The following CCNT2 variants were observed in gnomAD, a reference collection of about 807,000 sequenced individuals.
CCNT2 encodes the protein cyclin T2, also known as cyclin-T2.
Under a neutral mutation model 70.0 loss-of-function variants are expected in CCNT2, and 18 were observed. That is an observed-to-expected ratio of 0.26 (90% CI 0.18 to 0.38). The LOEUF (loss-of-function observed/expected upper bound fraction) is 0.38. Among genes scored for constraint, CCNT2 ranks in the 10% least tolerant of loss-of-function variants. CCNT2 has a pLI of 1.00. For missense variants in CCNT2, 734 were observed against 890.2 expected, an observed-to-expected ratio of 0.82 and a Z score of 2.23; for synonymous variants, 334 against 313.3, an observed-to-expected ratio of 1.07 and a Z score of -0.70.
intron 2 of CCNT2, among the ~76,000 whole-genome samples, chr2:134,934,035 A>G (rs1012417457): frequency 6.6e-6 from 1 of 152,196 alleles, no homozygotes; most frequent in African/African-American, 2.4e-5. Flanking sequence ...CCCCGTCTCC[A>G]TGATTTGTAT....
intron 2 of CCNT2, 118 bp downstream of exon 2, chr2:134,920,009 T>C (rs1679768347): frequency 3.2e-6 from 2 of 631,216 alleles, no homozygotes; most frequent in South Asian, 4.1e-5. Flanking sequence ...TAAACGTATA[T>C]CACGTGATAA....
At chr2:134,945,289 G>C in intron 5 of CCNT2, 1 of 985,416 alleles carries the variant, frequency 1.0e-6, no homozygotes, top group Non-Finnish European at 1.2e-6. Context: ...TAGGTGAGCA[G>C]AGGGGAAAGA....
At chr2:134,934,469 C>T (rs897730669) in intron 2 of CCNT2, among the ~76,000 whole-genome samples, 5 of 152,212 alleles carry the variant, frequency 3.3e-5, no homozygotes, top group African/African-American at 1.2e-4. Context: ...TTACCCAAAA[C>T]ATTTGGAATT....
Position 134,954,611 on chromosome 2 carries a change from T to C in CCNT2, c.2156T>C (p.Leu719Pro). 4 of 1,612,770 alleles carry C rather than the reference T, an allele frequency of 2.5e-6. No individual in the cohort carries two copies. Among genetic ancestry groups the C allele is most frequent in the Non-Finnish European group, 2.5e-6 (3 of 1,178,782 alleles). The change falls in exon 9 of 9, where the codon CTG becomes CCG. Residue 719 changes from leucine to proline, a missense_variant. Leu to Pro is a moderately conservative substitution (Grantham distance 98). This residue lies in a region of CCNT2 where 532 missense variants were observed against 556.9 expected (regional missense o/e 0.96). Coordinates refer to ENST00000264157, the MANE Select transcript of CCNT2 (RefSeq NM_058241.3). ...HMDYKDTFDMLDSLLSAQGMN... is the reference protein window; with the variant it reads ...HMDYKDTFDMPDSLLSAQGMN... ...GACTACAAAGACACATTCGACATGC[T>C]GGACTCACTGTTAAGTGCCCAAGGA...
At chr2:134,941,593 C>A (rs1219827422) in intron 4 of CCNT2, among the ~76,000 whole-genome samples, 1 of 151,760 alleles carries the variant, frequency 6.6e-6, no homozygotes, top group Admixed American at 6.6e-5. Flanking sequence ...TAAAAAGATA[C>A]CAAAAAAGTG....
chr2:134,930,664 A>G (rs892602945), intron 2 of CCNT2, among the ~76,000 whole-genome samples: 7 of 152,098 alleles, frequency 4.6e-5, no homozygotes, highest in African/African-American at 1.4e-4. Flanking sequence ...GAGGGTTGCA[A>G]TATCATCACT....
Position 134,919,802 on chromosome 2 carries a change from C to A in CCNT2, c.159-8C>A. On this transcript the variant is annotated splice_region_variant and splice_polypyrimidine_tract_variant and intron_variant, in intron 1 of 8. Transcript: ENST00000264157. ...TTTGTCAGATATTTCCTAAATATTA[C>A]GTTCCAGCTCTCAGCTTACAATAAA... 2 of 1,594,962 alleles carry A rather than the reference C, an allele frequency of 1.3e-6. 1 individual carries two copies.
At chr2:134,949,813 T>C (rs868561749) in intron 7 of CCNT2, among the ~76,000 whole-genome samples, 1 of 70,722 alleles carries the variant, frequency 1.4e-5, no homozygotes, top group Non-Finnish European at 2.7e-5. Flanking sequence ...GGGGGGGGGG[T>C]GGGGGACAGA....
rs549676885 is a variant in CCNT2, at chr2:134,958,549, T to G, written c.*3901T>G. 6.6e-6 allele frequency: 1 copy of G among 152,344 alleles called. No homozygotes were observed. Among genetic ancestry groups the G allele is most frequent in the African/African-American group, 2.4e-5 (1 of 41,576 alleles). The allele number at this position is 152,344 out of a possible 1,614,324, so 9.4% of individuals were successfully genotyped here. ...TGGAAAAGCAGCACATTCTCTGACC[T>G]TGGGTACCAAGCTATGATACTAATT... On this transcript the variant is annotated 3_prime_UTR_variant, in exon 9 of 9. Transcript: ENST00000264157.
intron 2 of CCNT2, among the ~76,000 whole-genome samples, chr2:134,929,374 G>C (rs1680551669): frequency 6.6e-6 from 1 of 152,016 alleles, no homozygotes; most frequent in African/African-American, 2.4e-5. Flanking sequence ...GGAGACAGAG[G>C]TGGGAGGATT....
chr2:134,929,532 C>G (rs1025826022), intron 2 of CCNT2, among the ~76,000 whole-genome samples: 1 of 150,762 alleles, frequency 6.6e-6, no homozygotes, highest in Non-Finnish European at 1.5e-5. Flanking sequence ...CGCTTGAGCC[C>G]AGGAGGTTGA....
rs1337389550 is a variant in CCNT2 at position 134,918,920 on chromosome 2, G to A, written c.66G>A (p.Pro22=). The change falls in exon 1 of 9, where the codon CCG becomes CCA. Residue 22 remains proline (P), a synonymous_variant. Transcript: ENST00000264157. The part of the protein sequence containing the change: ...FFTREQLENT[P]SRRCGVEADK... ...CTCGGGAACAGCTGGAGAACACGCCGAGCCGCCGCTGCGGAGTGGAGGCGG... is the reference window on the plus strand; with the variant it reads ...CTCGGGAACAGCTGGAGAACACGCCAAGCCGCCGCTGCGGAGTGGAGGCGG... The A allele has an allele frequency of 1.9e-6, 3 of 1,614,040 alleles. No individual in the cohort carries two copies. In the South Asian group the frequency reaches 3.3e-5, roughly 18 times the overall value.
At chr2:134,939,724 C>G (rs1360406278) in intron 4 of CCNT2, among the ~76,000 whole-genome samples, 2 of 152,116 alleles carry the variant, frequency 1.3e-5, no homozygotes, top group Non-Finnish European at 2.9e-5. Context: ...CTTTGGCCTC[C>G]CAAAGTGCTG....
chr2:134,936,123 T>C lies in CCNT2; in HGVS notation c.241-718T>C, dbSNP rs1401119807. Among the ~76,000 whole-genome samples, 4 of 151,192 alleles carry C rather than the reference T, an allele frequency of 2.6e-5. No individual in the cohort carries two copies. The East Asian group carries it at 5.8e-4, about 22-fold the overall frequency. Reference sequence around the variant, plus strand: ...TGACTCTGTGCCTAGAAAAGGAGTATAGTGGGTATACTTGATCCGCTTTTC... The same window carrying C: ...TGACTCTGTGCCTAGAAAAGGAGTACAGTGGGTATACTTGATCCGCTTTTC... On this transcript the variant is annotated intron_variant, in intron 2 of 8. Transcript: ENST00000264157.
intron 6 of CCNT2, 180 bp downstream of exon 6, chr2:134,946,326 T>A: frequency 8.4e-7 from 1 of 1,193,872 alleles, no homozygotes; most frequent in Non-Finnish European, 1.1e-6. Context: ...ACAGAGGGGT[T>A]AAATGCACAA....
At position 134,928,599 on chromosome 2, in the gene CCNT2, C is replaced by T. The variant is rs146096116; in HGVS notation, c.241-8242C>T. On this transcript the variant is annotated intron_variant, in intron 2 of 8. Transcript: ENST00000264157. ...AGCCTATATTTCTATTTGACAGTGA[C>T]GGTGTGGGCTATAGTCATTTGTATC... 2.0e-3 allele frequency among the ~76,000 whole-genome samples: 310 copies of T among 152,086 alleles called. 2 individuals are homozygous for T. The highest frequency in any genetic ancestry group is 7.1e-3 in the African/African-American group (294 of 41,498).
intron 5 of CCNT2, 174 bp from the exon 6 acceptor site, chr2:134,945,927 G>T: frequency 6.5e-7 from 1 of 1,534,754 alleles, no homozygotes; most frequent in Non-Finnish European, 8.7e-7. Context: ...AGTGAATGTT[G>T]TTGAAGATTT....
intron 2 of CCNT2, among the ~76,000 whole-genome samples, chr2:134,923,561 G>T (rs1451479290): frequency 6.6e-6 from 1 of 152,354 alleles, no homozygotes; most frequent in African/African-American, 2.4e-5. Flanking sequence ...CAAGTTTTGT[G>T]TATCTGTGCT....
chr2:134,934,940 G>A (rs1234119582), intron 2 of CCNT2, among the ~76,000 whole-genome samples: 1 of 152,218 alleles, frequency 6.6e-6, no homozygotes, highest in Non-Finnish European at 1.5e-5. Flanking sequence ...ATGAGAGATT[G>A]TGGGAAACTG....
Sources: gnomAD v4.1 joint callset for allele counts (sites outside exome capture counted in the v4.1 genomes callset) on GRCh38, gnomAD v4.1.1 for gene constraint, gnomAD v4.1.1 regional missense constraint, MANE v1.5 for transcripts, NCBI Gene and HGNC (gene_info 2026-07-23, HGNC 2026-07-21) for gene names.